RCOR1: variants seen among roughly 807,000 people sequenced by gnomAD.
RCOR1 encodes the protein REST corepressor 1, also known as REST corepressor.
Under a neutral mutation model 64.0 loss-of-function variants are expected in RCOR1, and 12 were observed. That is an observed-to-expected ratio of 0.19 (90% CI 0.12 to 0.30). The LOEUF (loss-of-function observed/expected upper bound fraction) is 0.30, where lower values mean the gene tolerates loss of function less well. Among genes scored for constraint, RCOR1 ranks in the 10% least tolerant of loss-of-function variants. RCOR1 has a pLI of 1.00. For missense variants in RCOR1, 502 were observed against 621.2 expected, an observed-to-expected ratio of 0.81 and a Z score of 2.04; for synonymous variants, 279 against 227.2, an observed-to-expected ratio of 1.23 and a Z score of -2.05.
intron 2 of RCOR1, among the ~76,000 whole-genome samples, chr14:102,673,859 CCCG>C (rs1219555925): frequency 6.6e-6 from 1 of 152,196 alleles, no homozygotes; most frequent in Non-Finnish European, 1.5e-5. Context: ...AGGTGATCCG[CCCG>C]CCGCCGCCTC....
chr14:102,725,613 G>T (rs976525356), intron 11 of RCOR1, among the ~76,000 whole-genome samples: 4 of 152,052 alleles, frequency 2.6e-5, no homozygotes, highest in Non-Finnish European at 5.9e-5. Flanking sequence ...TTGTTCTGTT[G>T]CCCAGAGCAA....
intron 2 of RCOR1, among the ~76,000 whole-genome samples, chr14:102,669,144 T>C (rs1393853652): frequency 6.6e-6 from 1 of 152,070 alleles, no homozygotes; most frequent in Non-Finnish European, 1.5e-5. Context: ...ACCCTGTCTC[T>C]ACTAAAAATA....
intron 2 of RCOR1, among the ~76,000 whole-genome samples, chr14:102,630,785 A>T (rs1260632955): frequency 3.3e-5 from 5 of 152,130 alleles, no homozygotes; most frequent in Non-Finnish European, 5.9e-5. Flanking sequence ...TCTCCCTCAT[A>T]GGAAAGTGCA....
intron 2 of RCOR1, among the ~76,000 whole-genome samples, chr14:102,637,882 C>T (rs1454236215): frequency 6.6e-6 from 1 of 151,950 alleles, no homozygotes; most frequent in East Asian, 1.9e-4. Flanking sequence ...TTGTTTTTTT[C>T]TAGTTTCGTT....
Position 102,676,899 on chromosome 14 carries a change from G to A in RCOR1, c.362-4996G>A, listed in dbSNP as rs1228015408. On this transcript the variant is annotated intron_variant, in intron 2 of 11. Coordinates refer to ENST00000262241, the MANE Select transcript of RCOR1 (RefSeq NM_015156.4). ...TCCTGGACGGGGCGGCTGGCCGGGC[G>A]GGGGGCTGACCCCCCCACCTCCCTC... is the stretch of plus-strand genomic sequence containing the variant. Among the ~76,000 whole-genome samples the A allele has an allele frequency of 2.2e-4, 22 of 98,222 alleles. No homozygotes were observed. In the South Asian group the frequency reaches 4.9e-3, roughly 22 times the overall value. The allele number at this position is 98,222 out of a possible 152,430, so 64.4% of individuals were successfully genotyped here. A position where few individuals can be genotyped will look rare whatever the true frequency, so the allele number is the denominator to read the frequency against.
intron 2 of RCOR1, among the ~76,000 whole-genome samples, chr14:102,644,357 A>G (rs1222057518): frequency 1.3e-5 from 2 of 152,220 alleles, no homozygotes; most frequent in African/African-American, 4.8e-5. Flanking sequence ...GGCAGGGAAC[A>G]TAGATTCCAT....
At chr14:102,603,617 T>G (rs1321142015) in intron 2 of RCOR1, among the ~76,000 whole-genome samples, 2 of 151,890 alleles carry the variant, frequency 1.3e-5, no homozygotes, top group Non-Finnish European at 1.5e-5. Context: ...TATCTTTCTT[T>G]TGCTATTTTT....
At chr14:102,653,842 TC>T (rs200627183) in intron 2 of RCOR1, among the ~76,000 whole-genome samples, 1,527 of 152,106 alleles carry the variant, frequency 0.01, 16 homozygotes, top group Admixed American at 0.015. Flanking sequence ...GCATCATGCT[TC>T]CTGTACAGCC....
At chr14:102,677,231 G>A (rs1203049344) in intron 2 of RCOR1, among the ~76,000 whole-genome samples, 2 of 129,102 alleles carry the variant, frequency 1.5e-5, no homozygotes, top group Admixed American at 7.2e-5. Context: ...CCCCCCTCCC[G>A]GACGGGGTGG....
intron 2 of RCOR1, among the ~76,000 whole-genome samples, chr14:102,640,357 C>T (rs1463036547): frequency 6.6e-6 from 1 of 152,106 alleles, no homozygotes; most frequent in East Asian, 1.9e-4. Context: ...TCAGCTAAAA[C>T]AGTCAGTATT....
At chr14:102,657,277 C>T (rs999617451) in intron 2 of RCOR1, 2 of 985,140 alleles carry the variant, frequency 2.0e-6, no homozygotes, top group Non-Finnish European at 2.4e-6. Flanking sequence ...TGTATGTATG[C>T]TTTTGGTGAG....
chr14:102,619,140 A>T lies in RCOR1; in HGVS notation c.361+25815A>T, dbSNP rs1893821270. Among the ~76,000 whole-genome samples, 2 of 145,124 alleles carry T rather than the reference A, an allele frequency of 1.4e-5. 1 individual carries two copies. The highest frequency in any genetic ancestry group is 4.2e-4 in the South Asian group (2 of 4,758). ...TGTCTGTCTGTCTTTATATTTTTTG[A>T]GACGGAGTTTCGCTCTTGTTGCCCA... On this transcript the variant is annotated intron_variant, in intron 2 of 11. Coordinates refer to ENST00000262241, the MANE Select transcript of RCOR1 (RefSeq NM_015156.4).
chr14:102,592,787 C>CG lies in RCOR1; in HGVS notation c.-100_-99insG. 8.4e-7 allele frequency: 1 copy of CG among 1,193,654 alleles called. No individual in the cohort carries two copies. Among genetic ancestry groups the CG allele is most frequent in the Non-Finnish European group, 1.0e-6 (1 of 963,924 alleles). 73.9% of individuals were successfully genotyped at this position (1,193,654 alleles called of 1,614,324 possible). A position where few individuals can be genotyped will look rare whatever the true frequency, so the allele number is the denominator to read the frequency against. Reference sequence around the variant, plus strand: ...CGCCCGTGGGCTCCCGCCGCGCCCGCCCGGCCCCGCGCCGGCCCCGCGCCC... The same window carrying CG: ...CGCCCGTGGGCTCCCGCCGCGCCCGCGCCGGCCCCGCGCCGGCCCCGCGCCC... On this transcript the variant is annotated 5_prime_UTR_variant, in exon 1 of 12. Coordinates refer to ENST00000262241, the MANE Select transcript of RCOR1 (RefSeq NM_015156.4).
intron 2 of RCOR1, among the ~76,000 whole-genome samples, chr14:102,678,182 G>GGGAGACCGTGGAA (rs1399917580): frequency 4.6e-5 from 7 of 152,002 alleles, no homozygotes; most frequent in Non-Finnish European, 8.8e-5. Flanking sequence ...CGGCATCAGA[G>GGGAGACCGTGGAA]GGAGACCGTG....
chr14:102,671,004 C>G (rs998181888), intron 2 of RCOR1, among the ~76,000 whole-genome samples: 1 of 152,070 alleles, frequency 6.6e-6, no homozygotes, highest in Admixed American at 6.5e-5. Context: ...GAACTCCTGA[C>G]CTCAGGTGAT....
At chr14:102,616,861 A>T (rs1893772196) in intron 2 of RCOR1, among the ~76,000 whole-genome samples, 2 of 152,118 alleles carry the variant, frequency 1.3e-5, no homozygotes, top group African/African-American at 4.8e-5. Context: ...ATTGGTGATG[A>T]ATTAAAAGTT....
chr14:102,696,582 T>A (rs1328670851), intron 3 of RCOR1, among the ~76,000 whole-genome samples: 1 of 152,184 alleles, frequency 6.6e-6, no homozygotes, highest in African/African-American at 2.4e-5. Context: ...TTGTCCTGAT[T>A]AGCGTTTACT....
At chr14:102,685,390 A>T (rs1895396884) in intron 3 of RCOR1, among the ~76,000 whole-genome samples, 1 of 152,068 alleles carries the variant, frequency 6.6e-6, no homozygotes, top group Admixed American at 6.5e-5. Context: ...CCTATTGATG[A>T]ATATTTATAA....
intron 8 of RCOR1, among the ~76,000 whole-genome samples, chr14:102,717,963 C>T (rs899819417): frequency 3.9e-5 from 6 of 152,096 alleles, no homozygotes; most frequent in African/African-American, 1.4e-4. Flanking sequence ...AATGGGCAGT[C>T]AGTCCACTTG....
Sources: gnomAD v4.1 joint callset for allele counts (sites outside exome capture counted in the v4.1 genomes callset) on GRCh38, gnomAD v4.1.1 for gene constraint, MANE v1.5 for transcripts, NCBI Gene and HGNC (gene_info 2026-07-23, HGNC 2026-07-21) for gene names.